The following NBAS variants were observed in gnomAD, a reference collection of about 807,000 sequenced individuals.
NBAS encodes the protein NAG/BC035112 fusion.
NBAS carries 219 observed loss-of-function variants against 302.5 expected under a neutral mutation model. That is an observed-to-expected ratio of 0.72 (90% CI 0.65 to 0.81). The LOEUF (loss-of-function observed/expected upper bound fraction) is 0.81. NBAS is among the 30% of genes least tolerant of loss of function. The pLI is 0.00. For missense variants in NBAS, 2,932 were observed against 2,841.6 expected, an observed-to-expected ratio of 1.03 and a Z score of -0.72; for synonymous variants, 1,118 against 1,021.6, an observed-to-expected ratio of 1.09 and a Z score of -1.80.
At chr2:14,832,886 A>G in the NBAS span, among the ~76,000 whole-genome samples, 1 of 152,184 alleles carries the variant, frequency 6.6e-6, no homozygotes. Flanking sequence ...GTCCCATGGA[A>G]GGCAAAATTG....
chr2:14,928,053 T>A, the NBAS span, among the ~76,000 whole-genome samples: 7 of 152,246 alleles, frequency 4.6e-5, no homozygotes, highest in African/African-American at 1.7e-4. Flanking sequence ...CCCTTTGTCT[T>A]GTTAGTTTTT....
the NBAS span, among the ~76,000 whole-genome samples, chr2:14,859,718 A>G: frequency 6.6e-6 from 1 of 152,206 alleles, no homozygotes; most frequent in East Asian, 1.9e-4. Flanking sequence ...TTCAGACATG[A>G]AACTATGACA....
At chr2:15,068,230 C>T in the NBAS span, among the ~76,000 whole-genome samples, 1 of 152,192 alleles carries the variant, frequency 6.6e-6, no homozygotes, top group South Asian at 2.1e-4. Context: ...CTTGAAACAT[C>T]TACTTACCTA....
At chr2:15,058,878 G>A in the NBAS span, among the ~76,000 whole-genome samples, 8 of 152,108 alleles carry the variant, frequency 5.3e-5, no homozygotes, top group African/African-American at 9.7e-5. Context: ...GATTAAAGCC[G>A]ACCTCCAAGG....
At chr2:14,999,415 G>T in the NBAS span, among the ~76,000 whole-genome samples, 1 of 152,092 alleles carries the variant, frequency 6.6e-6, no homozygotes, top group Non-Finnish European at 1.5e-5. Flanking sequence ...TCTCCATGTT[G>T]AATTGTAATC....
At chr2:14,979,054 T>C in the NBAS span, among the ~76,000 whole-genome samples, 1 of 152,320 alleles carries the variant, frequency 6.6e-6, no homozygotes, top group East Asian at 1.9e-4. Context: ...TGTGAGTCAC[T>C]GTTTATCTGT....
At chr2:15,356,267 G>A in intron 33 of NBAS, 36 bp downstream of exon 33, 1 of 1,504,402 alleles carries the variant, frequency 6.6e-7, no homozygotes, top group Non-Finnish European at 9.3e-7. Context: ...ACATAAAGAG[G>A]ACATAAGCAA....
rs1347322954 is a variant in NBAS, at chr2:15,356,354, A to C, written c.3880T>G (p.Phe1294Val). The change falls in exon 33 of 52, where the codon TTC (phenylalanine) becomes GTC (valine). Residue 1294 changes from phenylalanine (F) to valine (V), a missense_variant. By Grantham distance (50) the Phe-to-Val change is conservative. Coordinates refer to ENST00000281513, the MANE Select transcript of NBAS (RefSeq NM_015909.4). Reference sequence around the variant, plus strand: ...ATACTGGCTGCTTTGTAGTCATGGAAGCGAAGTGCCTGCTCCACTAAAAGG... The same window carrying C: ...ATACTGGCTGCTTTGTAGTCATGGACGCGAAGTGCCTGCTCCACTAAAAGG... ...LILLVEQALR[F>V]HDYKAASMHC... 1 of 1,613,782 alleles carries C rather than the reference A, an allele frequency of 6.2e-7. No individual in the cohort carries two copies. The highest frequency in any genetic ancestry group is 1.7e-5 in the Admixed American group (1 of 59,988).
At chr2:15,017,505 A>C in the NBAS span, among the ~76,000 whole-genome samples, 6 of 131,156 alleles carry the variant, frequency 4.6e-5, no homozygotes, top group Non-Finnish European at 9.6e-5. Flanking sequence ...AAATGATCTG[A>C]ACAGGTGTTG....
the NBAS span, among the ~76,000 whole-genome samples, chr2:14,839,318 T>C: frequency 4.4e-5 from 6 of 137,456 alleles, no homozygotes; most frequent in Non-Finnish European, 7.4e-5. Context: ...GGTTTTTACA[T>C]TGGAAAATGT....
intron 48 of NBAS, among the ~76,000 whole-genome samples, chr2:15,194,091 T>C (rs1292748194): frequency 6.6e-6 from 1 of 151,458 alleles, no homozygotes; most frequent in South Asian, 2.1e-4. Flanking sequence ...GCAGACCCAT[T>C]TGCAGTCAGA....
chr2:15,280,703 T>C (rs1572579609), intron 42 of NBAS, among the ~76,000 whole-genome samples: 1 of 152,296 alleles, frequency 6.6e-6, no homozygotes, highest in East Asian at 1.9e-4. Context: ...TGCAGTGGCT[T>C]GTAAGCATTT....
At chr2:15,535,649 T>C (rs965740312) in intron 8 of NBAS, among the ~76,000 whole-genome samples, 11 of 152,210 alleles carry the variant, frequency 7.2e-5, no homozygotes, top group African/African-American at 2.6e-4. Context: ...ATCTCTAGAT[T>C]CCTTATAATA....
the NBAS span, among the ~76,000 whole-genome samples, chr2:14,944,720 A>G: frequency 2.0e-5 from 3 of 151,366 alleles, no homozygotes; most frequent in Admixed American, 2.0e-4. Flanking sequence ...AGGGACACAG[A>G]AAGTGAAAAG....
chr2:15,063,890 A>C, the NBAS span, among the ~76,000 whole-genome samples: 1 of 152,294 alleles, frequency 6.6e-6, no homozygotes, highest in East Asian at 1.9e-4. Context: ...TCAGTCTGTG[A>C]TGTTTTGTTA....
chr2:14,933,383 C>T, the NBAS span, among the ~76,000 whole-genome samples: 1 of 152,108 alleles, frequency 6.6e-6, no homozygotes, highest in East Asian at 1.9e-4. Flanking sequence ...AGATAAACAG[C>T]TGCCTGTAAA....
the NBAS span, among the ~76,000 whole-genome samples, chr2:14,896,359 A>G: frequency 6.6e-6 from 1 of 152,090 alleles, no homozygotes; most frequent in Non-Finnish European, 1.5e-5. Context: ...AGCCTTTTTC[A>G]AATTTGATAA....
At chr2:15,553,375 A>G in intron 5 of NBAS, 51 bp downstream of exon 5, 1 of 1,478,902 alleles carries the variant, frequency 6.8e-7, no homozygotes, top group Non-Finnish European at 9.4e-7. Context: ...TTTATAGAGT[A>G]ACAAATATTT....
intron 25 of NBAS, among the ~76,000 whole-genome samples, chr2:15,402,911 T>A (rs967329627): frequency 8.5e-5 from 13 of 152,102 alleles, no homozygotes; most frequent in Non-Finnish European, 1.9e-4. Context: ...TCTTGGAGTA[T>A]TTTCCAGGAT....
Sources: gnomAD v4.1 joint callset for allele counts (sites outside exome capture counted in the v4.1 genomes callset) on GRCh38, gnomAD v4.1.1 for gene constraint, MANE v1.5 for transcripts, NCBI Gene and HGNC (gene_info 2026-07-23, HGNC 2026-07-21) for gene names.